Variants in LRRFIP1 observed in about 807,000 individuals in gnomAD.
LRRFIP1 encodes the protein LRR binding FLII interacting protein 1.
LRRFIP1 carries 62 observed loss-of-function variants against 104.4 expected under a neutral mutation model. That is an observed-to-expected ratio of 0.59 (90% CI 0.48 to 0.73). LRRFIP1 has a LOEUF of 0.73. Among genes scored for constraint, LRRFIP1 ranks in the 30% least tolerant of loss-of-function variants. The pLI, the probability that LRRFIP1 is intolerant of heterozygous loss-of-function variation, is 0.00. For synonymous variants in LRRFIP1, 300 were observed against 299.0 expected (o/e 1.00, Z -0.03); for missense variants, 796 against 824.5 (o/e 0.97, Z 0.42).
At chr2:237,769,848 T>G in intron 19 of LRRFIP1, 95 bp from the exon 20 acceptor site, 1 of 922,912 alleles carries the variant, frequency 1.1e-6, no homozygotes, top group South Asian at 1.4e-5. Flanking sequence ...CATCATTCAT[T>G]TCACTAACCT....
chr2:237,659,969 T>C (rs2087562741), intron 1 of LRRFIP1, among the ~76,000 whole-genome samples: 1 of 152,230 alleles, frequency 6.6e-6, no homozygotes, highest in Non-Finnish European at 1.5e-5. Context: ...GGAAAATATT[T>C]CGTGTAAGTT....
rs964478036 is a variant in LRRFIP1, at chr2:237,649,365, A to G, written c.96+21625A>G. Among the ~76,000 whole-genome samples the G allele has an allele frequency of 7.9e-5, 12 of 151,974 alleles. No individual in the cohort carries two copies. Among genetic ancestry groups the G allele is most frequent in the Non-Finnish European group, 5.9e-5 (4 of 67,926 alleles). On this transcript the variant is annotated intron_variant, in intron 1 of 23. Transcript: ENST00000308482. The surrounding 1 kb of genome is among the most constrained non-coding windows in gnomAD (Gnocchi z 4.1). ...GCCAACATAGTGAAACCCCATCTCTACTAAAAACACAAAAAATTAGCCAGG... is the reference window on the plus strand; with the variant it reads ...GCCAACATAGTGAAACCCCATCTCTGCTAAAAACACAAAAAATTAGCCAGG...
intron 1 of LRRFIP1, among the ~76,000 whole-genome samples, chr2:237,696,959 A>G (rs1020965369): frequency 6.6e-6 from 1 of 152,238 alleles, no homozygotes; most frequent in African/African-American, 2.4e-5. Flanking sequence ...CACTCTGTCA[A>G]ACTTTTCTGT....
intron 11 of LRRFIP1, among the ~76,000 whole-genome samples, chr2:237,740,198 G>A (rs933841820): frequency 2.0e-5 from 3 of 151,868 alleles, no homozygotes; most frequent in African/African-American, 7.3e-5. Context: ...TTGAAGCCAG[G>A]AGTTGGAGAT....
intron 11 of LRRFIP1, among the ~76,000 whole-genome samples, chr2:237,741,826 TAAAAAAAAAAGAAAAA>T (rs1163252478): frequency 2.1e-5 from 3 of 142,192 alleles, no homozygotes; most frequent in Admixed American, 7.1e-5. Context: ...AGGCTCCGTC[TAAAAAAAAAAGAAAAA>T]AGAAAAAAAA....
At chr2:237,692,395 G>C in intron 1 of LRRFIP1, 1 of 1,418,210 alleles carries the variant, frequency 7.1e-7, no homozygotes. Context: ...CGGCCCGCGA[G>C]GGGCTCCCGG....
intron 8 of LRRFIP1, chr2:237,729,936 C>T (rs2094927449): frequency 1.8e-6 from 1 of 549,144 alleles, no homozygotes; most frequent in African/African-American, 2.1e-5. Context: ...CTACTTTTCT[C>T]TTTCGGTGTC....
chr2:237,763,103 T>G, intron 19 of LRRFIP1: 1 of 1,613,344 alleles, frequency 6.2e-7, no homozygotes. Context: ...CCCCCAAGAG[T>G]TAGAGACAAG....
chr2:237,667,283 G>A (rs1031595747), intron 1 of LRRFIP1, among the ~76,000 whole-genome samples: 1 of 152,110 alleles, frequency 6.6e-6, no homozygotes, highest in African/African-American at 2.4e-5. Context: ...GTGGTGTTCT[G>A]TTCACCATTC....
Position 237,733,756 on chromosome 2 carries a change from T to C in LRRFIP1, c.445-18T>C, listed in dbSNP as rs765127267. 2.5e-6 allele frequency: 4 copies of C among 1,613,926 alleles called. No homozygotes were observed. The South Asian group carries it at 4.4e-5, about 18-fold the overall frequency. On this transcript the variant is annotated intron_variant, in intron 8 of 23. Coordinates refer to ENST00000308482, the MANE Select transcript of LRRFIP1 (RefSeq NM_001137550.2). Reference sequence around the variant, plus strand: ...TTTTCAAGGCTTTTAAAACCTGCCATTTGCTTTCATCCTCCAGCCCTCCTG... The same window carrying C: ...TTTTCAAGGCTTTTAAAACCTGCCACTTGCTTTCATCCTCCAGCCCTCCTG...
At chr2:237,774,714 C>T (rs926974652) in intron 23 of LRRFIP1, among the ~76,000 whole-genome samples, 1 of 152,230 alleles carries the variant, frequency 6.6e-6, no homozygotes, top group Non-Finnish European at 1.5e-5. Flanking sequence ...AGGTCTTGTC[C>T]GTAAACGTCA....
chr2:237,717,703 C>T lies in LRRFIP1; in HGVS notation c.202-59C>T. The T allele has an allele frequency of 2.3e-6, 3 of 1,299,628 alleles. No individual in the cohort carries two copies. The highest frequency in any genetic ancestry group is 1.5e-5 in the African/African-American group (1 of 68,682). The allele number at this position is 1,299,628 out of a possible 1,614,324, so 80.5% of individuals were successfully genotyped here. On this transcript the variant is annotated intron_variant, in intron 3 of 23. Transcript: ENST00000308482. This position sits in a 1 kb window ranked among gnomAD's most constrained non-coding sequence, Gnocchi z 4.2. ...ATGCATGTCAGAACAGTGCCTTAGA[C>T]AACTGCCTTTTTAAGAAATTTCACT...
At chr2:237,688,743 G>A (rs1012087867) in intron 1 of LRRFIP1, among the ~76,000 whole-genome samples, 1 of 152,072 alleles carries the variant, frequency 6.6e-6, no homozygotes, top group Non-Finnish European at 1.5e-5. Context: ...ACAGGTGTGG[G>A]TCACTGTGCC....
chr2:237,633,251 G>A (rs1575011486), intron 1 of LRRFIP1, among the ~76,000 whole-genome samples: 1 of 152,246 alleles, frequency 6.6e-6, no homozygotes, highest in Non-Finnish European at 1.5e-5. Context: ...CAAGACTGGT[G>A]TTCCAGACGG....
At chr2:237,736,553 G>A (rs767734863) in intron 10 of LRRFIP1, among the ~76,000 whole-genome samples, 29 of 152,174 alleles carry the variant, frequency 1.9e-4, no homozygotes, top group Non-Finnish European at 3.7e-4. Flanking sequence ...CTGGCAGGAC[G>A]GAGGGCTCCT....
rs761488123 is a variant in LRRFIP1, at chr2:237,692,453, A to G, written c.97-16091A>G. 17 of 1,521,782 alleles carry G rather than the reference A, an allele frequency of 1.1e-5. No individual in the cohort carries two copies. In the East Asian group the frequency reaches 4.2e-4, roughly 38 times the overall value. 94.3% of individuals were successfully genotyped at this position (1,521,782 alleles called of 1,614,324 possible). A position where few individuals can be genotyped will look rare whatever the true frequency, so the allele number is the denominator to read the frequency against. ...CCGGGTGGAGCGGGCCGAGCCCGGC[A>G]GGATGACCAGCCCCGCGGCCGCTCA... On this transcript the variant is annotated intron_variant, in intron 1 of 23. Transcript: ENST00000308482.
intron 1 of LRRFIP1, among the ~76,000 whole-genome samples, chr2:237,642,957 C>T (rs993220025): frequency 3.3e-5 from 5 of 152,216 alleles, no homozygotes; most frequent in Non-Finnish European, 7.3e-5. Flanking sequence ...CCCGTTTTAC[C>T]ACCTCCTCTA....
intron 19 of LRRFIP1, chr2:237,763,396 A>T (rs760214076): frequency 6.2e-7 from 1 of 1,614,120 alleles, no homozygotes; most frequent in Non-Finnish European, 8.5e-7. Flanking sequence ...AGGGAGAGGC[A>T]TTGGACTCAT....
intron 1 of LRRFIP1, among the ~76,000 whole-genome samples, chr2:237,643,735 GATGAATGAATGA>G (rs58632926): frequency 8.6e-5 from 13 of 151,522 alleles, no homozygotes; most frequent in East Asian, 5.9e-4. Context: ...TACAGGAACA[GATGAATGAATGA>G]ATGAATGAAT....
Sources: allele counts gnomAD v4.1 joint callset (sites outside exome capture counted in the v4.1 genomes callset), GRCh38; gene constraint gnomAD v4.1.1; non-coding constraint Gnocchi (gnomAD v3.1); transcripts MANE v1.5; gene names NCBI Gene and HGNC (gene_info 2026-07-23, HGNC 2026-07-21).